The following L3MBTL1 variants were observed in gnomAD, a reference collection of about 807,000 sequenced individuals.
The protein encoded by L3MBTL1 is L3MBTL histone methyl-lysine binding protein 1, also known as lethal(3)malignant brain tumor-like protein 1.
In L3MBTL1, 75 loss-of-function variants were observed where a neutral mutation model predicts 105.3. The observed-to-expected ratio is 0.71, with a 90% CI of 0.59 to 0.86. L3MBTL1 has a LOEUF of 0.86. L3MBTL1 is among the 40% of genes least tolerant of loss of function. The probability of loss-of-function intolerance (pLI) is 0.00; values close to 1 mark genes in which losing one functional copy is unlikely to be tolerated. For synonymous variants in L3MBTL1, 452 were observed against 436.2 expected, an observed-to-expected ratio of 1.04 and a Z score of -0.45; for missense variants, 1,069 against 1,126.4, an observed-to-expected ratio of 0.95 and a Z score of 0.73.
chr20:43,536,476 GCTC>G lies in L3MBTL1; in HGVS notation c.2173+21_2173+23del, dbSNP rs1383367711. ...TTTCCAGAGTAAGTCTGGGTTATCT[GCTC>G]CTATGTCCTCCACCACAGAGTGTTC... On this transcript the variant is annotated intron_variant, in intron 19 of 21. Transcript: ENST00000418998. 1 of 1,613,322 alleles carries G rather than the reference GCTC, an allele frequency of 6.2e-7. No individual in the cohort carries two copies. Among genetic ancestry groups the G allele is most frequent in the African/African-American group, 1.3e-5 (1 of 74,938 alleles).
At chr20:43,535,029 A>C in intron 16 of L3MBTL1, 87 bp downstream of exon 16, 1 of 815,404 alleles carries the variant, frequency 1.2e-6, no homozygotes, top group African/African-American at 1.7e-5. Flanking sequence ...CTGACTCCCC[A>C]TGCCCAAATA....
At chr20:43,533,209 A>G (rs1264147495) in intron 12 of L3MBTL1, 133 bp from the exon 13 acceptor site, 3 of 787,282 alleles carry the variant, frequency 3.8e-6, no homozygotes, top group Non-Finnish European at 4.1e-6. Flanking sequence ...GCAATTTTCT[A>G]ACTTTGTCCT....
At chr20:43,529,699 C>T (rs576303851) in intron 9 of L3MBTL1, among the ~76,000 whole-genome samples, 1 of 152,322 alleles carries the variant, frequency 6.6e-6, no homozygotes, top group South Asian at 2.1e-4. Flanking sequence ...ATGTCAGTGA[C>T]ATGCCACAGG....
At chr20:43,521,722 T>A (rs2145412311) in intron 7 of L3MBTL1, among the ~76,000 whole-genome samples, 1 of 152,302 alleles carries the variant, frequency 6.6e-6, no homozygotes, top group Non-Finnish European at 1.5e-5. Context: ...ATTTTATTTT[T>A]TATCATTATT....
chr20:43,516,033 C>T (rs537794333), intron 6 of L3MBTL1, 60 bp from the exon 7 acceptor site: 2 of 1,338,512 alleles, frequency 1.5e-6, no homozygotes, highest in East Asian at 2.3e-5. Context: ...AGGATCAGAC[C>T]CTAGGGCTTC....
intron 16 of L3MBTL1, 51 bp downstream of exon 16, chr20:43,534,993 C>T (rs577200218): frequency 1.5e-6 from 2 of 1,331,114 alleles, no homozygotes; most frequent in Admixed American, 4.5e-5. Context: ...CAGGTTCTGA[C>T]AATCCTATAG....
At position 43,534,335 on chromosome 20, in the gene L3MBTL1, A is replaced by C; in HGVS notation, c.1651A>C (p.Arg551=). ...TATGAAGCTGGAGGCTGTGGACCGC[A>C]GGAACCCAGCCCTGATTCGCGTGGC... ...VNMKLEAVDR[R]NPALIRVASV... is the part of the protein sequence containing the mutation. Residue 551 remains arginine, a synonymous_variant, in exon 15 of 22, where the codon AGG becomes CGG. Transcript: ENST00000418998. 6.2e-7 allele frequency: 1 copy of C among 1,614,128 alleles called. No individual in the cohort carries two copies. Among genetic ancestry groups the C allele is most frequent in the Non-Finnish European group, 8.5e-7 (1 of 1,179,982 alleles).
chr20:43,529,760 G>A (rs761726431), intron 9 of L3MBTL1, among the ~76,000 whole-genome samples: 3 of 152,210 alleles, frequency 2.0e-5, no homozygotes, highest in Non-Finnish European at 2.9e-5. Flanking sequence ...TTCTGTCTGA[G>A]GAGCAGCAAA....
chr20:43,515,514 G>A, intron 6 of L3MBTL1, 99 bp downstream of exon 6: 4 of 1,453,292 alleles, frequency 2.8e-6, no homozygotes, highest in Non-Finnish European at 3.7e-6. Flanking sequence ...CTGGGCCAGA[G>A]AAGACACGCA....
chr20:43,527,586 G>A (rs1360725579), intron 7 of L3MBTL1, among the ~76,000 whole-genome samples: 1 of 96,580 alleles, frequency 1.0e-5, no homozygotes, highest in Non-Finnish European at 2.2e-5. Context: ...GGCTGTGTGT[G>A]TGCACATAGG....
chr20:43,509,472 C>T (rs899873043), intron 1 of L3MBTL1, among the ~76,000 whole-genome samples: 2 of 152,200 alleles, frequency 1.3e-5, no homozygotes, highest in African/African-American at 4.8e-5. Context: ...AGTGATCCTC[C>T]CACCTTGGCC....
intron 1 of L3MBTL1, among the ~76,000 whole-genome samples, chr20:43,511,529 C>T (rs1310021321): frequency 6.6e-6 from 1 of 152,138 alleles, no homozygotes; most frequent in Non-Finnish European, 1.5e-5. Context: ...CGCCTATAAA[C>T]CCAGCACTTT....
At chr20:43,513,362 T>C in intron 1 of L3MBTL1, 114 bp from the exon 2 acceptor site, 1 of 1,059,004 alleles carries the variant, frequency 9.4e-7, no homozygotes, top group Non-Finnish European at 1.3e-6. Flanking sequence ...TCTCTGCAGG[T>C]CACGGGTTTG....
intron 7 of L3MBTL1, among the ~76,000 whole-genome samples, chr20:43,527,559 A>ATGTGTGTGTGCACATAGGC (rs1049256303): frequency 2.9e-5 from 4 of 139,220 alleles, no homozygotes; most frequent in Non-Finnish European, 4.7e-5. Context: ...GTGTTAGTGT[A>ATGTGTGTGTGCACATAGGC]TGTGTGTGTG....
chr20:43,526,302 G>T (rs2019029801), intron 7 of L3MBTL1, among the ~76,000 whole-genome samples: 1 of 152,166 alleles, frequency 6.6e-6, no homozygotes, highest in South Asian at 2.1e-4. Context: ...TAGTAGAAGA[G>T]ATTTGGGAAA....
intron 19 of L3MBTL1, 32 bp from the exon 20 acceptor site, chr20:43,540,119 T>C: frequency 6.2e-7 from 1 of 1,607,204 alleles, no homozygotes; most frequent in South Asian, 1.1e-5. Context: ...GTCATCCTCG[T>C]TGGCCTGCCA....
chr20:43,537,597 C>A (rs2019697002), intron 19 of L3MBTL1, among the ~76,000 whole-genome samples: 1 of 152,146 alleles, frequency 6.6e-6, no homozygotes, highest in Non-Finnish European at 1.5e-5. Context: ...ACATTTTAGC[C>A]CATAACATAC....
intron 9 of L3MBTL1, among the ~76,000 whole-genome samples, 164 bp downstream of exon 9, chr20:43,529,532 A>G (rs1272296375): frequency 6.6e-6 from 1 of 152,130 alleles, no homozygotes; most frequent in Non-Finnish European, 1.5e-5. Context: ...CAAAAACCAG[A>G]TGGAGTTCAT....
At chr20:43,512,572 T>C (rs894082505) in intron 1 of L3MBTL1, among the ~76,000 whole-genome samples, 1 of 152,190 alleles carries the variant, frequency 6.6e-6, no homozygotes, top group Non-Finnish European at 1.5e-5. Context: ...TCCTCAGTCA[T>C]AGTAGCCCAT....
Sources: gnomAD v4.1 joint callset for allele counts (sites outside exome capture counted in the v4.1 genomes callset) on GRCh38, gnomAD v4.1.1 for gene constraint, MANE v1.5 for transcripts, NCBI Gene and HGNC (gene_info 2026-07-23, HGNC 2026-07-21) for gene names.